PLXNA4: variants seen among roughly 807,000 people sequenced by gnomAD.
The protein encoded by PLXNA4 is plexin A4.
In PLXNA4, 44 loss-of-function variants were observed where a neutral mutation model predicts 191.8. That is an observed-to-expected ratio of 0.23 (90% CI 0.18 to 0.29). The LOEUF is 0.29. PLXNA4 is among the 10% of genes least tolerant of loss of function. The pLI is 1.00. For missense variants in PLXNA4, 1,800 were observed against 2,488.8 expected (o/e 0.72, Z 5.89); for synonymous variants, 1,082 against 1,009.5 (o/e 1.07, Z -1.36).
At chr7:132,188,721 A>G (rs1796959872) in intron 14 of PLXNA4, among the ~76,000 whole-genome samples, 1 of 151,938 alleles carries the variant, frequency 6.6e-6, no homozygotes. Context: ...AGAGACCAGG[A>G]AGAGGGTGGG....
At chr7:132,180,767 G>A in intron 18 of PLXNA4, 35 bp from the exon 19 acceptor site, 1 of 1,595,110 alleles carries the variant, frequency 6.3e-7, no homozygotes, top group South Asian at 1.1e-5. Flanking sequence ...TCCCACCCCA[G>A]AGTGAGGACC....
chr7:132,268,633 C>T (rs1799943781), intron 4 of PLXNA4, among the ~76,000 whole-genome samples: 1 of 152,224 alleles, frequency 6.6e-6, no homozygotes, highest in Non-Finnish European at 1.5e-5. Context: ...CTAAATGCTT[C>T]ATGTGAACAG....
intron 1 of PLXNA4, among the ~76,000 whole-genome samples, chr7:132,556,662 A>C (rs1018824547): frequency 6.6e-6 from 1 of 152,254 alleles, no homozygotes; most frequent in African/African-American, 2.4e-5. Context: ...AAAGTGAATC[A>C]ATGGTTATTT....
At chr7:132,601,778 A>G (rs188017379) in intron 2 of PLXNA4, among the ~76,000 whole-genome samples, 12 of 152,344 alleles carry the variant, frequency 7.9e-5, no homozygotes, top group African/African-American at 2.9e-4. Flanking sequence ...GTAGCTGAAC[A>G]TATTAAATGA....
chr7:132,384,841 C>G, intron 3 of PLXNA4: 2 of 1,154,850 alleles, frequency 1.7e-6, no homozygotes, highest in South Asian at 3.6e-5. Context: ...TAAGGTTATC[C>G]TACCATATAT....
In PLXNA4 at chr7:132,354,494, C is replaced by G. The variant is rs73158811; in HGVS notation, c.1372-56272G>C. 3.4e-4 allele frequency among the ~76,000 whole-genome samples: 52 copies of G among 152,292 alleles called. 1 individual carries two copies. Among genetic ancestry groups the G allele is most frequent in the African/African-American group, 1.2e-3 (51 of 41,560 alleles). ...AGGCAGGAGCCTTTCATAAAAATAA[C>G]TTTTGATCATAATGCATCATCATTA... On this transcript the variant is annotated intron_variant, in intron 3 of 31. Transcript: ENST00000321063.
intron 16 of PLXNA4, among the ~76,000 whole-genome samples, chr7:132,183,832 G>T (rs1429430432): frequency 6.6e-6 from 1 of 152,200 alleles, no homozygotes; most frequent in Non-Finnish European, 1.5e-5. Context: ...TCTTTCTTTT[G>T]GGTTTAAGAC....
chr7:132,541,307 T>C (rs1296076830), intron 1 of PLXNA4, among the ~76,000 whole-genome samples: 1 of 152,252 alleles, frequency 6.6e-6, no homozygotes, highest in East Asian at 1.9e-4. Flanking sequence ...AAAATGTTCC[T>C]TGCCCCACAA....
intron 3 of PLXNA4, among the ~76,000 whole-genome samples, chr7:132,318,865 AGCTGGTCTTT>A (rs1802053333): frequency 6.6e-6 from 1 of 151,586 alleles, no homozygotes; most frequent in African/African-American, 2.4e-5. Flanking sequence ...GTGTTTCTGA[AGCTGGTCTTT>A]AACAAGTGTG....
chr7:132,303,120 G>C (rs189749713), intron 3 of PLXNA4, among the ~76,000 whole-genome samples: 1,983 of 151,724 alleles, frequency 0.013, 19 homozygotes, highest in Middle Eastern at 0.02. Flanking sequence ...TGATCTGCCC[G>C]CCTCGGCCTC....
At chr7:132,165,028 A>C in intron 23 of PLXNA4, 106 bp downstream of exon 23, 1 of 1,477,300 alleles carries the variant, frequency 6.8e-7, no homozygotes, top group African/African-American at 1.4e-5. Flanking sequence ...TGGGGTTATA[A>C]GAGCCAGGCC....
rs17166528 is a variant in PLXNA4 at position 132,517,694 on chromosome 7, T to A, written c.-86-8915A>T. 3.6e-3 allele frequency among the ~76,000 whole-genome samples: 546 copies of A among 152,238 alleles called. 3 individuals carry two copies. Among genetic ancestry groups the A allele is most frequent in the East Asian group, 0.02 (103 of 5,174 alleles). ...CTTGTTTCCAAAGCCAGATTGCAAGTGGGTAAGCCCAGAGATAGAGGAGAT... is the reference window on the plus strand; with the variant it reads ...CTTGTTTCCAAAGCCAGATTGCAAGAGGGTAAGCCCAGAGATAGAGGAGAT... On this transcript the variant is annotated intron_variant, in intron 1 of 31. Transcript: ENST00000321063.
At chr7:132,504,393 T>C (rs944455831) in intron 2 of PLXNA4, among the ~76,000 whole-genome samples, 10 of 152,170 alleles carry the variant, frequency 6.6e-5, no homozygotes, top group Admixed American at 5.2e-4. Flanking sequence ...CCCAGGAGTT[T>C]TGCGGATCCC....
At chr7:132,463,087 T>C (rs1181123478) in intron 3 of PLXNA4, among the ~76,000 whole-genome samples, 1 of 152,130 alleles carries the variant, frequency 6.6e-6, no homozygotes. Context: ...TGACCTCAAG[T>C]GATCCACCCC....
chr7:132,601,069 A>C (rs954938404), intron 2 of PLXNA4, among the ~76,000 whole-genome samples: 1 of 152,154 alleles, frequency 6.6e-6, no homozygotes, highest in Non-Finnish European at 1.5e-5. Context: ...TCTATCAAAT[A>C]TTTATTGAAT....
chr7:132,366,323 A>C (rs1418421515), intron 3 of PLXNA4, among the ~76,000 whole-genome samples: 2 of 152,276 alleles, frequency 1.3e-5, no homozygotes, highest in East Asian at 3.9e-4. Context: ...CAGGAGTTTG[A>C]GACCAGCCTG....
chr7:132,490,770 G>T (rs1797765108), intron 2 of PLXNA4, among the ~76,000 whole-genome samples: 1 of 152,082 alleles, frequency 6.6e-6, no homozygotes, highest in African/African-American at 2.4e-5. Context: ...TCCTTAAAGA[G>T]AATATTCTCC....
chr7:132,519,692 C>T (rs550580611), intron 1 of PLXNA4, among the ~76,000 whole-genome samples: 36 of 152,336 alleles, frequency 2.4e-4, no homozygotes, highest in African/African-American at 8.4e-4. Context: ...GAGCTCCTTG[C>T]TCTCCTTTCA....
At chr7:132,595,788 A>G (rs1399851974) in intron 2 of PLXNA4, among the ~76,000 whole-genome samples, 3 of 152,340 alleles carry the variant, frequency 2.0e-5, no homozygotes, top group Non-Finnish European at 2.9e-5. Flanking sequence ...TAAGATTAAT[A>G]AAATGAACAC....
Sources: gnomAD v4.1 joint callset for allele counts (sites outside exome capture counted in the v4.1 genomes callset) on GRCh38, gnomAD v4.1.1 for gene constraint, MANE v1.5 for transcripts, NCBI Gene and HGNC (gene_info 2026-07-23, HGNC 2026-07-21) for gene names.